ZBTB44: variants seen among roughly 807,000 people sequenced by gnomAD.
ZBTB44 encodes the protein zinc finger and BTB domain containing 44.
ZBTB44 carries 15 observed loss-of-function variants against 54.0 expected under a neutral mutation model. That is an observed-to-expected ratio of 0.28 (90% confidence interval 0.19 to 0.43). The LOEUF (loss-of-function observed/expected upper bound fraction) is 0.43, where lower values mean the gene tolerates loss of function less well. ZBTB44 is among the 20% of genes least tolerant of loss of function. The probability of loss-of-function intolerance (pLI) is 1.00; values close to 1 mark genes in which losing one functional copy is unlikely to be tolerated. For synonymous variants in ZBTB44, 230 were observed against 250.1 expected, an observed-to-expected ratio of 0.92 and a Z score of 0.76; for missense variants, 487 against 707.1, an observed-to-expected ratio of 0.69 and a Z score of 3.53.
rs764366893 is a variant in ZBTB44, at chr11:130,261,225, T to C, written c.649A>G (p.Asn217Asp). The C allele has an allele frequency of 2.5e-6, 4 of 1,613,958 alleles. No individual in the cohort carries two copies. Among genetic ancestry groups the C allele is most frequent in the South Asian group, 1.1e-5 (1 of 91,080 alleles). The change falls in exon 2 of 8, where the codon AAT becomes GAT. Residue 217 changes from asparagine to aspartate, a missense_variant. By Grantham distance (23) the Asn-to-Asp change is conservative. Transcript: ENST00000357899. This position sits in a 1 kb window ranked among gnomAD's most constrained non-coding sequence, Gnocchi z 4.8. ...VLNSSASYSENRNQPVDSSLA... is the reference protein window; with the variant it reads ...VLNSSASYSEDRNQPVDSSLA... Reference sequence around the variant, plus strand: ...GAAGAGTCAACTGGTTGGTTTCTATTTTCTGAGTAGGAAGCTGAAGAATTC... The same window carrying C: ...GAAGAGTCAACTGGTTGGTTTCTATCTTCTGAGTAGGAAGCTGAAGAATTC...
chr11:130,308,071 C>T (rs1486313887), intron 1 of ZBTB44, among the ~76,000 whole-genome samples: 1 of 152,132 alleles, frequency 6.6e-6, no homozygotes, highest in Non-Finnish European at 1.5e-5. Flanking sequence ...TTTAGATATG[C>T]TTAGATATAC....
intron 1 of ZBTB44, among the ~76,000 whole-genome samples, chr11:130,298,858 CAA>C (rs1024671858): frequency 8.9e-5 from 12 of 134,844 alleles, no homozygotes; most frequent in East Asian, 8.8e-4. Flanking sequence ...CACACACACA[CAA>C]AACCATCAGT....
chr11:130,234,324 T>C (rs1954013809), intron 5 of ZBTB44, 51 bp from the exon 6 acceptor site: 66 of 1,463,794 alleles, frequency 4.5e-5, no homozygotes, highest in Non-Finnish European at 5.6e-5. Context: ...AAACCAGTAA[T>C]AGATAAGCAA....
At chr11:130,284,083 G>C (rs1245488922) in intron 1 of ZBTB44, among the ~76,000 whole-genome samples, 5 of 151,362 alleles carry the variant, frequency 3.3e-5, no homozygotes. Flanking sequence ...GAGGTCGGAA[G>C]TTCAAGACCA....
intron 1 of ZBTB44, among the ~76,000 whole-genome samples, chr11:130,276,247 G>GA (rs113798465): frequency 2.9e-4 from 10 of 34,338 alleles, no homozygotes; most frequent in African/African-American, 8.7e-4. Context: ...AAAAAAAAAA[G>GA]AAAAAAGAAA....
intron 2 of ZBTB44, among the ~76,000 whole-genome samples, chr11:130,259,396 G>A (rs1030665078): frequency 1.5e-4 from 23 of 152,294 alleles, no homozygotes; most frequent in East Asian, 5.8e-4. Flanking sequence ...ACAGTGTGGC[G>A]ATTCCTCATG....
intron 1 of ZBTB44, chr11:130,296,343 T>G (rs1941643530): frequency 6.5e-7 from 1 of 1,537,034 alleles, no homozygotes. Flanking sequence ...GGTCTTCTTT[T>G]CATCTTGTAT....
chr11:130,253,759 C>T (rs1341316690), intron 2 of ZBTB44, among the ~76,000 whole-genome samples: 1 of 152,130 alleles, frequency 6.6e-6, no homozygotes, highest in Non-Finnish European at 1.5e-5. Context: ...CCTGCATTGC[C>T]AAGTTAATCC....
intron 1 of ZBTB44, among the ~76,000 whole-genome samples, chr11:130,276,113 T>C (rs1940050955): frequency 6.6e-6 from 1 of 150,530 alleles, no homozygotes; most frequent in South Asian, 2.1e-4. Context: ...ATAATCCCAG[T>C]GACTGGGGAA....
intron 2 of ZBTB44, among the ~76,000 whole-genome samples, chr11:130,253,042 T>C (rs1358937373): frequency 6.6e-6 from 1 of 152,114 alleles, no homozygotes; most frequent in Non-Finnish European, 1.5e-5. Flanking sequence ...CTCAATAAAT[T>C]AGGTATTAAT....
At chr11:130,263,836 T>A (rs1003994171) in intron 1 of ZBTB44, among the ~76,000 whole-genome samples, 2 of 152,172 alleles carry the variant, frequency 1.3e-5, no homozygotes, top group African/African-American at 2.4e-5. Flanking sequence ...CCCTGCTTAC[T>A]CCCCTGCAGG....
intron 2 of ZBTB44, among the ~76,000 whole-genome samples, chr11:130,258,222 A>G (rs1405253742): frequency 6.6e-6 from 1 of 152,248 alleles, no homozygotes; most frequent in Non-Finnish European, 1.5e-5. Context: ...CTTAGAATCA[A>G]TGGAATATAA....
intron 1 of ZBTB44, among the ~76,000 whole-genome samples, chr11:130,300,334 CCACACACA>C (rs113216312): frequency 1.2e-4 from 18 of 150,494 alleles, no homozygotes; most frequent in Non-Finnish European, 2.5e-4. Flanking sequence ...GTGTATTTCA[CCACACACA>C]CACACACACA....
intron 2 of ZBTB44, 79 bp from the exon 3 acceptor site, chr11:130,239,975 C>T: frequency 2.1e-6 from 2 of 961,746 alleles, no homozygotes; most frequent in South Asian, 2.8e-5. Context: ...TATATTATAT[C>T]TAAGCCTCTG....
At chr11:130,295,716 G>A in intron 1 of ZBTB44, 2 of 1,527,262 alleles carry the variant, frequency 1.3e-6, no homozygotes, top group South Asian at 2.2e-5. Flanking sequence ...TCTTCTAGCA[G>A]CTGCAAAAAC....
chr11:130,234,510 T>C (rs1954021192), intron 5 of ZBTB44, among the ~76,000 whole-genome samples: 1 of 152,256 alleles, frequency 6.6e-6, no homozygotes, highest in Non-Finnish European at 1.5e-5. Flanking sequence ...AGGTTAATTA[T>C]CACTTTCATT....
intron 1 of ZBTB44, among the ~76,000 whole-genome samples, chr11:130,303,781 GT>G (rs901669777): frequency 1.5e-4 from 22 of 149,836 alleles, no homozygotes; most frequent in South Asian, 1.1e-3. Context: ...GTAATTTTAA[GT>G]TTTTTTTTTA....
At chr11:130,262,010 G>T in intron 1 of ZBTB44, 81 bp from the exon 2 acceptor site, 2 of 1,048,240 alleles carry the variant, frequency 1.9e-6, no homozygotes, top group Non-Finnish European at 2.7e-6. Flanking sequence ...TGTGGCCACT[G>T]TACTAAATTA....
chr11:130,276,232 C>CAAAGAAAAAAAA (rs1940066066), intron 1 of ZBTB44, among the ~76,000 whole-genome samples: 1 of 31,736 alleles, frequency 3.2e-5, no homozygotes, highest in East Asian at 1.0e-3. Context: ...AACTCTGTCT[C>CAAAGAAAAAAAA]AAAAAAAAAA....
Sources: gnomAD v4.1 joint callset for allele counts (sites outside exome capture counted in the v4.1 genomes callset) on GRCh38, gnomAD v4.1.1 for gene constraint, Gnocchi (gnomAD v3.1) non-coding constraint, MANE v1.5 for transcripts, NCBI Gene and HGNC (gene_info 2026-07-23, HGNC 2026-07-21) for gene names.